The following ANKAR variants were observed in gnomAD, a reference collection of about 807,000 sequenced individuals.
ANKAR encodes ankyrin and armadillo repeat containing.
In ANKAR, 136 loss-of-function variants were observed where a neutral mutation model predicts 146.2. That is an observed-to-expected ratio of 0.93 (90% CI 0.81 to 1.07). The LOEUF (loss-of-function observed/expected upper bound fraction) is 1.07. Ranked by LOEUF, ANKAR falls within the 50% of genes least tolerant of loss-of-function variation. The pLI, the probability that ANKAR is intolerant of heterozygous loss-of-function variation, is 0.00. For missense variants in ANKAR, 1,567 were observed against 1,679.9 expected, an observed-to-expected ratio of 0.93 and a Z score of 1.18; for synonymous variants, 500 against 575.8, an observed-to-expected ratio of 0.87 and a Z score of 1.88.
intron 7 of ANKAR, among the ~76,000 whole-genome samples, chr2:189,699,652 A>G (rs951532040): frequency 7.2e-5 from 11 of 152,122 alleles, no homozygotes; most frequent in Admixed American, 7.2e-4. Context: ...CTTTGTTGAT[A>G]ATGTTATTAT....
At chr2:189,720,937 A>G (rs967669010) in intron 12 of ANKAR, 150 bp downstream of exon 12, 15 of 544,698 alleles carry the variant, frequency 2.8e-5, no homozygotes, top group Admixed American at 1.5e-4. Flanking sequence ...CCAAAACACA[A>G]TTTATTTATT....
At chr2:189,760,429 C>A (rs1165270464) in intron 18 of ANKAR, among the ~76,000 whole-genome samples, 1 of 152,166 alleles carries the variant, frequency 6.6e-6, no homozygotes, top group Non-Finnish European at 1.5e-5. Context: ...GGGCGCCCCC[C>A]ACCTCCCAAG....
intron 10 of ANKAR, among the ~76,000 whole-genome samples, chr2:189,718,007 A>G (rs1011370459): frequency 2.0e-5 from 3 of 152,230 alleles, no homozygotes; most frequent in African/African-American, 7.2e-5. Context: ...TAATGGGTGC[A>G]GCAAACCAAC....
intron 3 of ANKAR, 138 bp from the exon 4 acceptor site, chr2:189,692,117 A>T: frequency 1.5e-6 from 1 of 657,470 alleles, no homozygotes; most frequent in African/African-American, 1.9e-5. Flanking sequence ...AAATAATTTT[A>T]TGCACTATAA....
At chr2:189,725,094 G>A (rs144615778) in intron 12 of ANKAR, among the ~76,000 whole-genome samples, 5 of 152,118 alleles carry the variant, frequency 3.3e-5, no homozygotes, top group African/African-American at 4.8e-5. Flanking sequence ...AGTACCATAG[G>A]ACTAAAGAAA....
rs769360799 is a variant in ANKAR at position 189,689,673 on chromosome 2, A to G, written c.748A>G (p.Ser250Gly). 5 of 1,612,832 alleles carry G rather than the reference A, an allele frequency of 3.1e-6. No homozygotes were observed. The African/African-American group carries it at 6.7e-5, about 22-fold the overall frequency. ...AENIMLKLTF[S>G]TTQIQQYENV... ...AAATATTATGCTAAAGTTAACATTC[A>G]GTACCACACAAATTCAACAGTATGA... Residue 250 changes from serine to glycine, a missense_variant, in exon 3 of 23, where the codon AGT becomes GGT. Coordinates refer to ENST00000684021, the MANE Select transcript of ANKAR (RefSeq NM_001378068.1).
chr2:189,703,393 A>G (rs573010819), intron 7 of ANKAR, among the ~76,000 whole-genome samples: 1 of 152,248 alleles, frequency 6.6e-6, no homozygotes. Flanking sequence ...AGAAGGAAAT[A>G]AGAGGGAGGT....
At chr2:189,677,697 G>A (rs1031206614) in intron 2 of ANKAR, among the ~76,000 whole-genome samples, 7 of 147,092 alleles carry the variant, frequency 4.8e-5, no homozygotes, top group African/African-American at 1.8e-4. Context: ...CTTTTTTGGA[G>A]ATGGGGTCTC....
At chr2:189,704,558 TA>T (rs2038594102) in intron 7 of ANKAR, among the ~76,000 whole-genome samples, 1 of 64,696 alleles carries the variant, frequency 1.5e-5, no homozygotes, top group African/African-American at 7.9e-5. Flanking sequence ...TATATATATA[TA>T]TATATATATA....
In ANKAR at chr2:189,680,048, T is replaced by C. The variant is rs1014226674; in HGVS notation, c.601+2957T>C. Among the ~76,000 whole-genome samples the C allele has an allele frequency of 2.2e-4, 33 of 152,228 alleles. 1 individual carries two copies. The highest frequency in any genetic ancestry group is 7.3e-5 in the Non-Finnish European group (5 of 68,036). ...TACCAGTTCTTCTTTGAATGTCTGA[T>C]AGAATGCAGCTGTGAATCCATCTGG... On this transcript the variant is annotated intron_variant, in intron 2 of 22. Coordinates refer to ENST00000684021, the MANE Select transcript of ANKAR (RefSeq NM_001378068.1).
At chr2:189,692,502 C>T (rs1034400951) in intron 4 of ANKAR, 84 bp downstream of exon 4, 4 of 1,244,450 alleles carry the variant, frequency 3.2e-6, no homozygotes, top group Non-Finnish European at 4.4e-6. Flanking sequence ...TCTGTTGGTA[C>T]AGGCACTCGA....
rs752386411 is a variant in ANKAR at position 189,743,352 on chromosome 2, C to A, written c.3888C>A (p.Cys1296Ter). The A allele has an allele frequency of 3.1e-6, 5 of 1,613,788 alleles. No homozygotes were observed. Among genetic ancestry groups the A allele is most frequent in the African/African-American group, 2.7e-5 (2 of 74,914 alleles). ...CTTTCCGCATCCTATTAAAAGAATG[C>A]AGGAATAAACCTAATCAGTTCATTC... Reference protein sequence around the residue: ...ANAFRILLKECRNKPNQFIRI... With the variant: ...ANAFRILLKE Residue 1296 changes from cysteine (C) to a stop codon, truncating the protein, a stop_gained, in exon 21 of 23, where the codon TGC becomes TGA. Transcript: ENST00000684021. LOFTEE classifies it high-confidence loss of function.
At position 189,719,568 on chromosome 2, in the gene ANKAR, AC is replaced by A. The variant is rs2040997384; in HGVS notation, c.2225-3del. On this transcript the variant is annotated splice_polypyrimidine_tract_variant and splice_region_variant and intron_variant, in intron 10 of 22. Coordinates refer to ENST00000684021, the MANE Select transcript of ANKAR (RefSeq NM_001378068.1). ...TTTTAATTTTTTTGCTCTTGTCATT[AC>A]AGGCACCATTCCTGCCTTAATCAAT... is the stretch of plus-strand genomic sequence containing the variant. 1 of 1,592,296 alleles carries A rather than the reference AC, an allele frequency of 6.3e-7. No homozygotes were observed. Among genetic ancestry groups the A allele is most frequent in the East Asian group, 2.2e-5 (1 of 44,472 alleles).
chr2:189,718,810 C>T lies in ANKAR; in HGVS notation c.2225-762C>T, dbSNP rs544017675. 6.4e-3 allele frequency among the ~76,000 whole-genome samples: 944 copies of T among 147,292 alleles called. 9 individuals are homozygous for T. Among genetic ancestry groups the T allele is most frequent in the Non-Finnish European group, 9.9e-3 (665 of 67,308 alleles). Reference sequence around the variant, plus strand: ...CAGGCCGGACTGCGGACTGCAGTGGCGCAATCTCGGCTCACTGCAAGCTCC... The same window carrying T: ...CAGGCCGGACTGCGGACTGCAGTGGTGCAATCTCGGCTCACTGCAAGCTCC... On this transcript the variant is annotated intron_variant, in intron 10 of 22. Transcript: ENST00000684021.
chr2:189,704,628 T>C (rs375984993), intron 7 of ANKAR, among the ~76,000 whole-genome samples: 2 of 127,626 alleles, frequency 1.6e-5, no homozygotes, highest in East Asian at 4.8e-4. Context: ...TATCTTCAAC[T>C]AAAAAACATG....
At chr2:189,698,788 C>T (rs1461257463) in intron 7 of ANKAR, among the ~76,000 whole-genome samples, 1 of 152,112 alleles carries the variant, frequency 6.6e-6, no homozygotes, top group Non-Finnish European at 1.5e-5. Context: ...CAGATACTGA[C>T]AAGGAGCCAG....
rs773469547 is a variant in ANKAR, at chr2:189,705,086, G to A, written c.1772G>A (p.Cys591Tyr). 6.8e-6 allele frequency: 11 copies of A among 1,613,920 alleles called. No homozygotes were observed. The African/African-American group carries it at 1.5e-4, about 22-fold the overall frequency. The stretch of plus-strand genomic sequence containing the variant: ...TTAGAAACAACAGTTTGTCTACTGT[G>A]TTCCAAAGCTGATTACACGCTTTCT... ...CSLETTVCLL[C>Y]SKADYTLSEK... is the part of the protein sequence containing the mutation. Residue 591 changes from cysteine to tyrosine, a missense_variant, in exon 8 of 23, where the codon TGT becomes TAT. Transcript: ENST00000684021.
chr2:189,689,495 A>G, intron 2 of ANKAR, 32 bp from the exon 3 acceptor site: 1 of 1,499,774 alleles, frequency 6.7e-7, no homozygotes, highest in Non-Finnish European at 8.9e-7. Flanking sequence ...TGAAATTTTC[A>G]CTATCTAAAA....
At position 189,753,036 on chromosome 2, in the gene ANKAR, T is replaced by C. The variant is rs534439690; in HGVS notation, c.*585-8062T>C. 3 of 1,458,254 alleles carry C rather than the reference T, an allele frequency of 2.1e-6. No individual in the cohort carries two copies. In the East Asian group the frequency reaches 7.1e-5, roughly 35 times the overall value. 90.3% of individuals were successfully genotyped at this position (1,458,254 alleles called of 1,614,324 possible). ...CATATATGGATATGAACCAAGCTGC[T>C]AATTAAACCTGGAGAAAAATATCAG... On this transcript the variant is annotated intron_variant and NMD_transcript_variant, in intron 18 of 18. Coordinates refer to the ANKAR transcript ENST00000441800.
Sources: gnomAD v4.1 joint callset for allele counts (sites outside exome capture counted in the v4.1 genomes callset) on GRCh38, gnomAD v4.1.1 for gene constraint, MANE v1.5 for transcripts, NCBI Gene and HGNC (gene_info 2026-07-23, HGNC 2026-07-21) for gene names.